The following FSTL5 variants were observed in gnomAD, a reference collection of about 807,000 sequenced individuals.
FSTL5 encodes follistatin like 5.
Under a neutral mutation model 89.1 loss-of-function variants are expected in FSTL5, and 62 were observed. That is an observed-to-expected ratio of 0.70 (90% confidence interval 0.57 to 0.86). The LOEUF (loss-of-function observed/expected upper bound fraction) is 0.86, where lower values mean the gene tolerates loss of function less well. Among genes scored for constraint, FSTL5 ranks in the 40% least tolerant of loss-of-function variants. The pLI, the probability that FSTL5 is intolerant of heterozygous loss-of-function variation, is 0.00. For missense variants in FSTL5, 1,057 were observed against 1,001.6 expected, an observed-to-expected ratio of 1.06 and a Z score of -0.75; for synonymous variants, 383 against 346.2, an observed-to-expected ratio of 1.11 and a Z score of -1.18.
chr4:161,980,513 T>A (rs1003686815), intron 3 of FSTL5, among the ~76,000 whole-genome samples: 2 of 152,030 alleles, frequency 1.3e-5, no homozygotes, highest in African/African-American at 4.8e-5. Context: ...TCTTTCCTTA[T>A]TGTAATTCTC....
At chr4:162,137,688 G>A (rs1483224243) in intron 1 of FSTL5, among the ~76,000 whole-genome samples, 1 of 152,108 alleles carries the variant, frequency 6.6e-6, no homozygotes, top group Non-Finnish European at 1.5e-5. Context: ...AGAAAAAGTT[G>A]GAACAAATAG....
intron 2 of FSTL5, among the ~76,000 whole-genome samples, chr4:162,045,528 A>C (rs1738136709): frequency 6.6e-6 from 1 of 152,168 alleles, no homozygotes; most frequent in South Asian, 2.1e-4. Context: ...AAAATTTTTA[A>C]AGAGATCACT....
intron 6 of FSTL5, among the ~76,000 whole-genome samples, chr4:161,659,216 T>G (rs1180700633): frequency 1.3e-5 from 2 of 152,176 alleles, no homozygotes; most frequent in East Asian, 3.8e-4. Context: ...TCAAATATAT[T>G]TCGTGGTAAT....
intron 4 of FSTL5, among the ~76,000 whole-genome samples, chr4:161,872,703 A>G (rs1316255067): frequency 6.6e-6 from 1 of 152,196 alleles, no homozygotes; most frequent in Non-Finnish European, 1.5e-5. Context: ...TAAAGGGCTG[A>G]GACCAGCTTA....
rs560579082 is a variant in FSTL5 at position 161,635,141 on chromosome 4, C to A, written c.894+21187G>T. Among the ~76,000 whole-genome samples the A allele has an allele frequency of 1.8e-4, 27 of 152,190 alleles. No individual in the cohort carries two copies. In the South Asian group the frequency reaches 4.4e-3, roughly 25 times the overall value. The stretch of plus-strand genomic sequence containing the variant: ...CAGTGGCTCACCCCTGTAATCCCAG[C>A]AATTTGGGAGGCCGAGGCAGGCAGA... On this transcript the variant is annotated intron_variant, in intron 7 of 15. Transcript: ENST00000306100.
intron 4 of FSTL5, among the ~76,000 whole-genome samples, chr4:161,876,944 G>T (rs1732462534): frequency 6.6e-6 from 1 of 151,996 alleles, no homozygotes; most frequent in Admixed American, 6.6e-5. Context: ...CAGCACTTTG[G>T]GAGGCCGAGA....
intron 4 of FSTL5, among the ~76,000 whole-genome samples, chr4:161,787,256 G>T (rs1160250334): frequency 6.6e-6 from 1 of 152,094 alleles, no homozygotes; most frequent in Non-Finnish European, 1.5e-5. Flanking sequence ...TAAGAGAACA[G>T]AAAATATAAT....
At chr4:162,154,603 C>A (rs1357455424) in intron 1 of FSTL5, among the ~76,000 whole-genome samples, 1 of 152,082 alleles carries the variant, frequency 6.6e-6, no homozygotes, top group Non-Finnish European at 1.5e-5. Flanking sequence ...TTGTGTGGTT[C>A]TCAGTCAGAG....
chr4:161,472,461 T>C (rs1190336919), intron 13 of FSTL5, among the ~76,000 whole-genome samples: 2 of 152,152 alleles, frequency 1.3e-5, no homozygotes, highest in African/African-American at 4.8e-5. Flanking sequence ...ATTTCTTGAT[T>C]TTTTTAAATG....
chr4:161,735,710 G>C (rs1021582379), intron 6 of FSTL5, among the ~76,000 whole-genome samples: 18 of 151,898 alleles, frequency 1.2e-4, no homozygotes, highest in African/African-American at 4.4e-4. Context: ...AAAATTTGAG[G>C]ATATTTTTAA....
intron 15 of FSTL5, among the ~76,000 whole-genome samples, chr4:161,442,554 G>A (rs1257651580): frequency 6.6e-6 from 1 of 151,994 alleles, no homozygotes; most frequent in Non-Finnish European, 1.5e-5. Flanking sequence ...GATAAAAATT[G>A]GGACTTGGTT....
At chr4:161,437,581 A>AAAAAAAAAAAAAAAAAAAAAAAAC (rs1560894869) in intron 15 of FSTL5, among the ~76,000 whole-genome samples, 2 of 149,358 alleles carry the variant, frequency 1.3e-5, no homozygotes, top group Admixed American at 6.7e-5. Context: ...AAAAAAAAAA[A>AAAAAAAAAAAAAAAAAAAAAAAAC]ACGAGGTCAG....
At chr4:161,407,134 G>T (rs1731411651) in intron 15 of FSTL5, among the ~76,000 whole-genome samples, 1 of 152,130 alleles carries the variant, frequency 6.6e-6, no homozygotes, top group Non-Finnish European at 1.5e-5. Context: ...GATGATGGTT[G>T]TCTAATACTG....
At chr4:161,891,211 T>A (rs1217100243) in intron 4 of FSTL5, among the ~76,000 whole-genome samples, 1 of 152,168 alleles carries the variant, frequency 6.6e-6, no homozygotes, top group Non-Finnish European at 1.5e-5. Context: ...TTGTTAAAAA[T>A]CTCCTGTTTT....
intron 6 of FSTL5, among the ~76,000 whole-genome samples, chr4:161,702,937 C>G (rs1225336089): frequency 6.6e-6 from 1 of 151,940 alleles, no homozygotes. Context: ...GGACAAAAGG[C>G]TTTGACAGAG....
chr4:162,072,253 G>A (rs914686267), intron 2 of FSTL5, among the ~76,000 whole-genome samples: 1 of 151,690 alleles, frequency 6.6e-6, no homozygotes, highest in South Asian at 2.1e-4. Context: ...CTTCACATCT[G>A]CAAAGCCAAA....
At chr4:161,423,825 C>T (rs1344755689) in intron 15 of FSTL5, among the ~76,000 whole-genome samples, 1 of 151,212 alleles carries the variant, frequency 6.6e-6, no homozygotes, top group East Asian at 1.9e-4. Flanking sequence ...CTTGATCTTT[C>T]CTAGTATTTT....
At chr4:161,978,237 T>C (rs1411177373) in intron 3 of FSTL5, among the ~76,000 whole-genome samples, 1 of 152,180 alleles carries the variant, frequency 6.6e-6, no homozygotes, top group Non-Finnish European at 1.5e-5. Flanking sequence ...CAAATGTATA[T>C]TTACATGTAT....
chr4:161,853,969 G>A (rs1158585516), intron 4 of FSTL5, among the ~76,000 whole-genome samples: 1 of 152,094 alleles, frequency 6.6e-6, no homozygotes, highest in Non-Finnish European at 1.5e-5. Context: ...CATAGGCTCA[G>A]GTTCAGGTTT....
Sources: allele counts gnomAD v4.1 joint callset (sites outside exome capture counted in the v4.1 genomes callset), GRCh38; gene constraint gnomAD v4.1.1; transcripts MANE v1.5; gene names NCBI Gene and HGNC (gene_info 2026-07-23, HGNC 2026-07-21).